COL4A4: variants seen among roughly 807,000 people sequenced by gnomAD.
The protein encoded by COL4A4 is collagen type IV alpha 4 chain, also known as collagen alpha-4(IV) chain.
In COL4A4, 105 loss-of-function variants were observed where a neutral mutation model predicts 192.9. That is an observed-to-expected ratio of 0.54 (90% CI 0.46 to 0.64). COL4A4 has a LOEUF of 0.64. Ranked by LOEUF, COL4A4 falls within the 30% of genes least tolerant of loss-of-function variation. COL4A4 has a pLI of 0.00. For missense variants in COL4A4, 1,967 were observed against 2,169.3 expected, an observed-to-expected ratio of 0.91 and a Z score of 1.85; for synonymous variants, 762 against 769.9, an observed-to-expected ratio of 0.99 and a Z score of 0.17.
At chr2:227,130,017 C>A (rs2062341670) in intron 4 of COL4A4, among the ~76,000 whole-genome samples, 1 of 152,134 alleles carries the variant, frequency 6.6e-6, no homozygotes, top group African/African-American at 2.4e-5. Flanking sequence ...CTCACGAATC[C>A]TTTGGCAGTG....
chr2:227,024,761 A>G (rs1435224908), intron 43 of COL4A4, among the ~76,000 whole-genome samples: 1 of 152,264 alleles, frequency 6.6e-6, no homozygotes, highest in African/African-American at 2.4e-5. Flanking sequence ...GTATTTTTAT[A>G]ATAAGTACAG....
chr2:227,112,321 T>G (rs373642161), intron 8 of COL4A4, among the ~76,000 whole-genome samples: 16 of 151,108 alleles, frequency 1.1e-4, no homozygotes, highest in African/African-American at 3.9e-4. Context: ...CAGGCTGGAG[T>G]GCAGTGGCGC....
At chr2:227,081,297 CA>C (rs2059312332) in intron 23 of COL4A4, among the ~76,000 whole-genome samples, 1 of 152,232 alleles carries the variant, frequency 6.6e-6, no homozygotes, top group African/African-American at 2.4e-5. Context: ...ACAGCTGGAA[CA>C]AAGCAGGTGG....
intron 1 of COL4A4, among the ~76,000 whole-genome samples, chr2:227,161,400 C>A (rs867978309): frequency 6.6e-6 from 1 of 152,146 alleles, no homozygotes; most frequent in Non-Finnish European, 1.5e-5. Context: ...AAAATAGAGA[C>A]CTCTGTGTCC....
intron 37 of COL4A4, among the ~76,000 whole-genome samples, chr2:227,041,745 AGG>A (rs1970947317): frequency 1.0e-5 from 1 of 99,946 alleles, no homozygotes; most frequent in Non-Finnish European, 2.0e-5. Flanking sequence ...GAAGGAAGGA[AGG>A]AAGGAAGGAA....
the COL4A4 span, among the ~76,000 whole-genome samples, chr2:226,969,571 A>G: frequency 1.3e-5 from 2 of 152,232 alleles, no homozygotes; most frequent in Admixed American, 6.5e-5. Context: ...ATTAAGGCCA[A>G]TTGACTCCGT....
intron 40 of COL4A4, among the ~76,000 whole-genome samples, chr2:227,031,084 CAGAT>C (rs2149967074): frequency 1.1e-5 from 1 of 87,738 alleles, no homozygotes; most frequent in South Asian, 4.1e-4. Flanking sequence ...GACTGATGGA[CAGAT>C]AGACAGGCAT....
At position 227,032,186 on chromosome 2, in the gene COL4A4, G is replaced by A. The variant is rs748597555; in HGVS notation, c.3668C>T (p.Pro1223Leu). 4 of 1,614,186 alleles carry A rather than the reference G, an allele frequency of 2.5e-6. No homozygotes were observed. In the Admixed American group the frequency reaches 6.7e-5, roughly 27 times the overall value. Reference sequence around the variant, plus strand: ...GGGACCTTTCTTTCCACGAGGACCTGGAGGAGAGATTCCTGGGCTCCCAGG... The same window carrying A: ...GGGACCTTTCTTTCCACGAGGACCTAGAGGAGAGATTCCTGGGCTCCCAGG... ...GDPGSPGISP[P>L]GPRGKKGPPG... Residue 1223 changes from proline to leucine, a missense_variant, in exon 39 of 48, where the codon CCA (proline) becomes CTA (leucine). Coordinates refer to ENST00000396625, the MANE Select transcript of COL4A4 (RefSeq NM_000092.5).
chr2:227,059,168 T>C (rs896010382), intron 28 of COL4A4, among the ~76,000 whole-genome samples: 1 of 152,184 alleles, frequency 6.6e-6, no homozygotes, highest in African/African-American at 2.4e-5. Flanking sequence ...GGAATCAAAT[T>C]GAGTTGAATG....
At chr2:227,064,757 C>T (rs980187464) in intron 25 of COL4A4, among the ~76,000 whole-genome samples, 17 of 152,174 alleles carry the variant, frequency 1.1e-4, no homozygotes, top group African/African-American at 3.9e-4. Flanking sequence ...GAACAACTGT[C>T]GGCCAAGAAT....
At chr2:227,110,559 T>A (rs1426012329) in intron 9 of COL4A4, among the ~76,000 whole-genome samples, 1 of 152,132 alleles carries the variant, frequency 6.6e-6, no homozygotes, top group East Asian at 1.9e-4. Flanking sequence ...ATTTTTGTAT[T>A]TTTAGTAGAG....
chr2:227,150,962 TA>T (rs1341057220), intron 1 of COL4A4, among the ~76,000 whole-genome samples: 61 of 152,040 alleles, frequency 4.0e-4, no homozygotes, highest in Non-Finnish European at 6.6e-4. Context: ...CTACAAAGAA[TA>T]TAATTTCTGG....
At chr2:227,027,686 A>G (rs995243926) in intron 42 of COL4A4, among the ~76,000 whole-genome samples, 7 of 151,512 alleles carry the variant, frequency 4.6e-5, no homozygotes, top group Non-Finnish European at 1.0e-4. Context: ...AAAAAAATCA[A>G]CTCCTAATTT....
rs902831328 is a variant in COL4A4, at chr2:227,050,116, G to A, written c.3166C>T (p.Pro1056Ser). The A allele has an allele frequency of 6.2e-7, 1 of 1,614,156 alleles. No individual in the cohort carries two copies. The highest frequency in any genetic ancestry group is 2.2e-5 in the East Asian group (1 of 44,886). Residue 1056 changes from proline to serine, a missense_variant, in exon 34 of 48, where the codon CCA becomes TCA. Physicochemically the swap from Pro to Ser is moderately conservative, Grantham distance 74. Transcript: ENST00000396625. ...LPGDQGEPGS[P>S]GPPGFSGIDG... ...ATTCCTGAAAATCCAGGGGGACCTG[G>A]AGAACCTGGCTCACCCTGACAGTTT...
At position 227,107,005 on chromosome 2, in the gene COL4A4, T is replaced by C. The variant is rs185982626; in HGVS notation, c.735+1576A>G. Among the ~76,000 whole-genome samples the C allele has an allele frequency of 5.3e-5, 8 of 152,366 alleles. No homozygotes were observed. In the East Asian group the frequency reaches 1.5e-3, roughly 29 times the overall value. On this transcript the variant is annotated intron_variant, in intron 12 of 47. Transcript: ENST00000396625. Reference sequence around the variant, plus strand: ...AGCCTGAGTTTGCAAATGTGTCTGATTGGACTGGCGCGGAAAGTCACTAAG... The same window carrying C: ...AGCCTGAGTTTGCAAATGTGTCTGACTGGACTGGCGCGGAAAGTCACTAAG...
intron 3 of COL4A4, 83 bp downstream of exon 3, chr2:227,144,433 G>A: frequency 8.4e-7 from 1 of 1,193,610 alleles, no homozygotes; most frequent in Non-Finnish European, 1.2e-6. Flanking sequence ...CCCAGAGGGT[G>A]ATTTCTTTGA....
chr2:227,093,983 A>G, intron 20 of COL4A4, 142 bp downstream of exon 20: 1 of 716,460 alleles, frequency 1.4e-6, no homozygotes, highest in Non-Finnish European at 2.3e-6. Flanking sequence ...ACTTCAGTTT[A>G]TTTGTTTGTA....
At chr2:227,026,570 G>A (rs1966876913) in intron 42 of COL4A4, among the ~76,000 whole-genome samples, 1 of 151,942 alleles carries the variant, frequency 6.6e-6, no homozygotes, top group Non-Finnish European at 1.5e-5. Flanking sequence ...ATAAAGCAGT[G>A]CTATTTATTT....
chr2:227,021,147 G>C (rs767253129), intron 44 of COL4A4, among the ~76,000 whole-genome samples: 2 of 152,058 alleles, frequency 1.3e-5, no homozygotes, highest in African/African-American at 2.4e-5. Context: ...GATTACAGGC[G>C]TGAGCCACTG....
Sources: allele counts gnomAD v4.1 joint callset (sites outside exome capture counted in the v4.1 genomes callset), GRCh38; gene constraint gnomAD v4.1.1; transcripts MANE v1.5; gene names NCBI Gene and HGNC (gene_info 2026-07-23, HGNC 2026-07-21).